Variants in USH2A observed in about 807,000 individuals in gnomAD.
USH2A encodes the protein usherin.
Under a neutral mutation model 538.9 loss-of-function variants are expected in USH2A, and 443 were observed. The observed-to-expected ratio is 0.82, with a 90% CI of 0.76 to 0.89. The LOEUF is 0.89. Among genes scored for constraint, USH2A ranks in the 40% least tolerant of loss-of-function variants. The probability of loss-of-function intolerance (pLI) is 0.00; values close to 1 mark genes in which losing one functional copy is unlikely to be tolerated. For synonymous variants in USH2A, 2,413 were observed against 2,273.5 expected, an observed-to-expected ratio of 1.06 and a Z score of -1.75; for missense variants, 6,633 against 6,324.8, an observed-to-expected ratio of 1.05 and a Z score of -1.65.
chr1:215,956,905 G>C (rs1479346754), intron 37 of USH2A, among the ~76,000 whole-genome samples: 2 of 152,124 alleles, frequency 1.3e-5, no homozygotes, highest in Non-Finnish European at 2.9e-5. Context: ...TATACAATCA[G>C]AAGTGTCAAT....
At chr1:216,239,579 G>T (rs1196708303) in intron 13 of USH2A, among the ~76,000 whole-genome samples, 1 of 152,182 alleles carries the variant, frequency 6.6e-6, no homozygotes, top group Non-Finnish European at 1.5e-5. Flanking sequence ...TATAGACCAT[G>T]AGGATTATTA....
intron 61 of USH2A, among the ~76,000 whole-genome samples, chr1:215,701,829 A>C (rs1659027753): frequency 6.6e-6 from 1 of 152,166 alleles, no homozygotes. Context: ...TAAGGTTAAT[A>C]TTGTTATGTG....
At chr1:216,368,263 T>C (rs533174755) in intron 3 of USH2A, among the ~76,000 whole-genome samples, 1 of 152,144 alleles carries the variant, frequency 6.6e-6, no homozygotes, top group Admixed American at 6.5e-5. Flanking sequence ...TCATGCTAGA[T>C]TAGTGAGAAG....
intron 47 of USH2A, among the ~76,000 whole-genome samples, chr1:215,835,283 T>A (rs191656265): frequency 6.6e-6 from 1 of 151,876 alleles, no homozygotes. Flanking sequence ...CTGTTAGGGA[T>A]CCCTATATGC....
At chr1:216,231,067 T>G (rs2035667924) in intron 14 of USH2A, among the ~76,000 whole-genome samples, 1 of 150,334 alleles carries the variant, frequency 6.7e-6, no homozygotes, top group South Asian at 2.1e-4. Flanking sequence ...CATAATATAC[T>G]TTACATACTG....
At chr1:215,759,943 T>C (rs2102742479) in intron 56 of USH2A, 100 bp from the exon 57 acceptor site, 1 of 1,416,044 alleles carries the variant, frequency 7.1e-7, no homozygotes. Context: ...TTTTTTCTGT[T>C]GATTTTAAAA....
At chr1:215,638,754 A>C (rs1342907993) in intron 69 of USH2A, among the ~76,000 whole-genome samples, 1 of 152,072 alleles carries the variant, frequency 6.6e-6, no homozygotes, top group Non-Finnish European at 1.5e-5. Flanking sequence ...CAAGGCAGGC[A>C]GATCACGAGG....
chr1:216,263,419 C>T (rs889145821), intron 11 of USH2A, among the ~76,000 whole-genome samples: 1 of 152,110 alleles, frequency 6.6e-6, no homozygotes, highest in South Asian at 2.1e-4. Flanking sequence ...TATTACATAC[C>T]AGGATCAAGT....
Position 216,292,304 on chromosome 1 carries a change from T to C in USH2A, c.1711A>G (p.Asn571Asp). ...CTGTTGCATTGACAAGGTTTACAATTGAAAGCGTAAACTTGATCACCTTGG... is the reference window on the plus strand; with the variant it reads ...CTGTTGCATTGACAAGGTTTACAATCGAAAGCGTAAACTTGATCACCTTGG... ...FRQGDQVYAF[N>D]CKPCQCNSHS... The change falls in exon 10 of 72, where the codon AAT (asparagine) becomes GAT (aspartate). Residue 571 changes from asparagine (N) to aspartate (D), a missense_variant. Physicochemically the swap from Asn to Asp is conservative, Grantham distance 23 (BLOSUM62 1). Transcript: ENST00000307340. The C allele has an allele frequency of 1.9e-6, 3 of 1,614,078 alleles. No individual in the cohort carries two copies. The highest frequency in any genetic ancestry group is 2.2e-5 in the East Asian group (1 of 44,852).
intron 35 of USH2A, among the ~76,000 whole-genome samples, chr1:215,975,067 GA>G (rs1317421157): frequency 2.0e-5 from 3 of 152,074 alleles, no homozygotes; most frequent in South Asian, 2.1e-4. Context: ...TTGTGGTTTT[GA>G]TATGCAATTC....
chr1:216,067,226 A>G (rs150370259), intron 30 of USH2A, among the ~76,000 whole-genome samples: 1,536 of 152,208 alleles, frequency 0.01, 11 homozygotes, highest in Non-Finnish European at 0.014. Flanking sequence ...ACACATGGAC[A>G]TAGGGAGGGG....
intron 30 of USH2A, among the ~76,000 whole-genome samples, chr1:216,058,485 A>C (rs1457867127): frequency 6.7e-6 from 1 of 149,080 alleles, no homozygotes; most frequent in African/African-American, 2.5e-5. Flanking sequence ...TGTTCTTTAT[A>C]ATTATCAGCA....
At chr1:215,635,008 G>C (rs1656431134) in intron 69 of USH2A, among the ~76,000 whole-genome samples, 1 of 152,120 alleles carries the variant, frequency 6.6e-6, no homozygotes, top group Admixed American at 6.6e-5. Context: ...ATTTTTAAAA[G>C]AGGTTACCAA....
chr1:216,083,603 A>C lies in USH2A; in HGVS notation c.5168-17T>G. On this transcript the variant is annotated splice_polypyrimidine_tract_variant and intron_variant, in intron 25 of 71. Transcript: ENST00000307340. ...CCAGGAACCCTTTAAAGATAAAAAT[A>C]TGTACATATTAGCATGTGTAACACA... 1 of 1,610,890 alleles carries C rather than the reference A, an allele frequency of 6.2e-7. No individual in the cohort carries two copies. The highest frequency in any genetic ancestry group is 8.5e-7 in the Non-Finnish European group (1 of 1,178,102).
intron 37 of USH2A, among the ~76,000 whole-genome samples, chr1:215,935,906 A>T (rs1229066685): frequency 6.6e-6 from 1 of 151,942 alleles, no homozygotes; most frequent in Non-Finnish European, 1.5e-5. Flanking sequence ...TTATCTGGTC[A>T]TGGTGGTATG....
chr1:216,017,315 A>G (rs1668738295), intron 32 of USH2A, among the ~76,000 whole-genome samples: 1 of 152,140 alleles, frequency 6.6e-6, no homozygotes, highest in African/African-American at 2.4e-5. Flanking sequence ...AAGGATAGAT[A>G]TAGAATTAGG....
chr1:215,645,889 A>T (rs371999401), intron 67 of USH2A, among the ~76,000 whole-genome samples: 10 of 152,340 alleles, frequency 6.6e-5, no homozygotes, highest in Admixed American at 3.3e-4. Context: ...ATCTGTTCAC[A>T]AAGATTTTTT....
At position 215,998,949 on chromosome 1, in the gene USH2A, G is replaced by A. The variant is rs773803465; in HGVS notation, c.6595C>T (p.Leu2199Phe). The A allele has an allele frequency of 1.2e-6, 2 of 1,613,258 alleles. No individual in the cohort carries two copies. Among genetic ancestry groups the A allele is most frequent in the South Asian group, 1.1e-5 (1 of 91,048 alleles). The change falls in exon 34 of 72, where the codon CTT becomes TTT. Residue 2199 changes from leucine to phenylalanine, a missense_variant. Transcript: ENST00000307340. ...IWSVIYNSTE[L>F]FQDHMLQYVL... ...TATTGTAGCATATGATCCTGGAAAA[G>A]TTCTGTACTGTTATAGATGACACTC...
chr1:215,704,490 CT>C (rs1289475384), intron 61 of USH2A, among the ~76,000 whole-genome samples: 2 of 152,188 alleles, frequency 1.3e-5, no homozygotes, highest in Non-Finnish European at 2.9e-5. Flanking sequence ...CAAGCTCTAA[CT>C]TTCCTAATTT....
Sources: allele counts gnomAD v4.1 joint callset (sites outside exome capture counted in the v4.1 genomes callset), GRCh38; gene constraint gnomAD v4.1.1; transcripts MANE v1.5; gene names NCBI Gene and HGNC (gene_info 2026-07-23, HGNC 2026-07-21).